NAV2: variants seen among roughly 807,000 people sequenced by gnomAD.
NAV2 encodes helicase, APC down-regulated 1.
A neutral mutation model predicts 223.2 loss-of-function variants in NAV2; 54 were observed. That is an observed-to-expected ratio of 0.24 (90% CI 0.19 to 0.30). The LOEUF (loss-of-function observed/expected upper bound fraction) is 0.30, where lower values mean the gene tolerates loss of function less well. Ranked by LOEUF, NAV2 falls within the 10% of genes least tolerant of loss-of-function variation. The probability of loss-of-function intolerance (pLI) is 1.00; values close to 1 mark genes in which losing one functional copy is unlikely to be tolerated. For synonymous variants in NAV2, 1,279 were observed against 1,239.3 expected (o/e 1.03, Z -0.67); for missense variants, 2,806 against 3,147.5 (o/e 0.89, Z 2.60).
intron 1 of NAV2, among the ~76,000 whole-genome samples, chr11:19,806,417 A>G (rs1475553915): frequency 6.6e-6 from 1 of 152,220 alleles, no homozygotes; most frequent in Non-Finnish European, 1.5e-5. Context: ...AAGTACCTGC[A>G]TTTCTTCAAC....
intron 5 of NAV2, among the ~76,000 whole-genome samples, chr11:19,885,270 T>C (rs1000689421): frequency 6.6e-6 from 1 of 152,316 alleles, no homozygotes; most frequent in Non-Finnish European, 1.5e-5. Flanking sequence ...ACATAAAAAA[T>C]GGACGAACCA....
At chr11:19,904,464 C>A (rs1393654357) in intron 6 of NAV2, among the ~76,000 whole-genome samples, 5 of 152,012 alleles carry the variant, frequency 3.3e-5, no homozygotes, top group Non-Finnish European at 1.5e-5. Context: ...TAGGTAGAAA[C>A]TTAATTCTCT....
chr11:19,779,130 A>G (rs2056532390), intron 1 of NAV2, among the ~76,000 whole-genome samples: 1 of 152,098 alleles, frequency 6.6e-6, no homozygotes, highest in South Asian at 2.1e-4. Context: ...GTCAGCCTTT[A>G]TTGGGTCTGC....
At chr11:19,789,957 G>A (rs760085608) in intron 1 of NAV2, among the ~76,000 whole-genome samples, 11 of 152,120 alleles carry the variant, frequency 7.2e-5, no homozygotes, top group Non-Finnish European at 1.3e-4. Flanking sequence ...TTTGAAACCC[G>A]GACTTTGAAT....
At position 19,933,995 on chromosome 11, in the gene NAV2, A is replaced by G. The variant is rs771446327; in HGVS notation, c.1751A>G (p.Lys584Arg). The change falls in exon 7 of 38, where the codon AAG becomes AGG. Residue 584 changes from lysine (K) to arginine (R), a missense_variant. Around this residue, in one of 4 missense-constraint regions of NAV2, gnomAD observed 1,167 missense variants for 1,180.5 expected, o/e 0.99. Transcript: ENST00000349880. The surrounding 1 kb of genome is among the most constrained non-coding windows in gnomAD (Gnocchi z 4.3). ...GKSPSAPAPSKEGERSRSGKL... is the reference protein window; with the variant it reads ...GKSPSAPAPSREGERSRSGKL... ...TCCCCAAGTGCCCCAGCGCCTTCCAAGGAAGGGGAGCGGAGCCGGAGTGGG... is the reference window on the plus strand; with the variant it reads ...TCCCCAAGTGCCCCAGCGCCTTCCAGGGAAGGGGAGCGGAGCCGGAGTGGG... The G allele has an allele frequency of 2.5e-6, 4 of 1,595,680 alleles. No homozygotes were observed. The highest frequency in any genetic ancestry group is 3.6e-5 in the Admixed American group (2 of 56,154).
chr11:19,936,702 C>T (rs531427150), intron 7 of NAV2, among the ~76,000 whole-genome samples: 92 of 152,308 alleles, frequency 6.0e-4, no homozygotes, highest in South Asian at 1.7e-3. Context: ...AGGTATTGAT[C>T]GAGTGTGGGT....
intron 12 of NAV2, among the ~76,000 whole-genome samples, chr11:20,042,282 A>C (rs1478579275): frequency 6.6e-6 from 1 of 152,194 alleles, no homozygotes; most frequent in Non-Finnish European, 1.5e-5. Flanking sequence ...ATCGGATAAG[A>C]TAATTTTGCT....
chr11:20,041,855 T>A (rs2056944172), intron 12 of NAV2, among the ~76,000 whole-genome samples: 1 of 152,222 alleles, frequency 6.6e-6, no homozygotes, highest in Non-Finnish European at 1.5e-5. Context: ...AGGGTACTTC[T>A]TTTTGAACTG....
chr11:19,831,182 C>T (rs1161615076), intron 1 of NAV2, among the ~76,000 whole-genome samples: 1 of 133,408 alleles, frequency 7.5e-6, no homozygotes, highest in Non-Finnish European at 1.5e-5. Flanking sequence ...CTCTGCTTGG[C>T]AAACCTGACC....
At chr11:19,870,842 A>G (rs1021851213) in intron 4 of NAV2, among the ~76,000 whole-genome samples, 9 of 152,158 alleles carry the variant, frequency 5.9e-5, no homozygotes, top group Non-Finnish European at 1.3e-4. Context: ...GTGTGATTTC[A>G]GAGCTCATGA....
chr11:19,712,689 G>A (rs1291175917), upstream of NAV2: 1 of 151,184 alleles, frequency 6.6e-6, no homozygotes, highest in African/African-American at 2.4e-5. Flanking sequence ...GCCAAGCGCG[G>A]CCCCAGAGTT....
intron 11 of NAV2, among the ~76,000 whole-genome samples, chr11:20,034,692 A>G (rs2056180781): frequency 6.6e-6 from 1 of 152,158 alleles, no homozygotes; most frequent in Admixed American, 6.5e-5. Flanking sequence ...CTCGATTAGC[A>G]AGTATTTATT....
At chr11:19,558,649 A>G (rs2044986451) in intron 1 of NAV2, among the ~76,000 whole-genome samples, 1 of 152,238 alleles carries the variant, frequency 6.6e-6, no homozygotes, top group Non-Finnish European at 1.5e-5. Flanking sequence ...TGCAATTTAT[A>G]GAGCATTTTC....
At chr11:20,029,528 T>C (rs928922856) in intron 11 of NAV2, among the ~76,000 whole-genome samples, 1 of 152,232 alleles carries the variant, frequency 6.6e-6, no homozygotes, top group African/African-American at 2.4e-5. Context: ...CTCATCTCCC[T>C]ATTTTATGTT....
intron 1 of NAV2, among the ~76,000 whole-genome samples, chr11:19,738,770 G>A (rs1191792427): frequency 6.6e-6 from 1 of 152,142 alleles, no homozygotes; most frequent in Non-Finnish European, 1.5e-5. Flanking sequence ...GAAAGGTAAG[G>A]CTTCTGCTGC....
chr11:19,702,805 GTAA>G (rs71443737), intron 1 of NAV2, among the ~76,000 whole-genome samples: 27 of 34,448 alleles, frequency 7.8e-4, no homozygotes, highest in Non-Finnish European at 8.9e-4. Context: ...AATAATAATA[GTAA>G]TAATAATAAT....
At chr11:19,644,839 A>G (rs1475525589) in intron 1 of NAV2, among the ~76,000 whole-genome samples, 3 of 152,186 alleles carry the variant, frequency 2.0e-5, no homozygotes, top group East Asian at 1.9e-4. Context: ...AAAGGTATGG[A>G]CCAGTTTATG....
intron 1 of NAV2, among the ~76,000 whole-genome samples, chr11:19,495,812 G>T (rs1303983260): frequency 2.0e-5 from 3 of 152,134 alleles, no homozygotes; most frequent in Non-Finnish European, 4.4e-5. Flanking sequence ...AATCAGAGAA[G>T]AATAGATTGC....
At chr11:20,038,979 G>C (rs1564900288) in intron 12 of NAV2, among the ~76,000 whole-genome samples, 1 of 152,184 alleles carries the variant, frequency 6.6e-6, no homozygotes, top group Non-Finnish European at 1.5e-5. Context: ...TATCACTGGG[G>C]ACATTGAGGA....
Sources: gnomAD v4.1 joint callset for allele counts (sites outside exome capture counted in the v4.1 genomes callset) on GRCh38, gnomAD v4.1.1 for gene constraint, gnomAD v4.1.1 regional missense constraint, Gnocchi (gnomAD v3.1) non-coding constraint, MANE v1.5 for transcripts, NCBI Gene and HGNC (gene_info 2026-07-23, HGNC 2026-07-21) for gene names.